Variants in ANKRD2 observed in about 807,000 individuals in gnomAD.
ANKRD2 encodes the protein ankyrin repeat domain-containing protein 2.
Under a neutral mutation model 37.3 loss-of-function variants are expected in ANKRD2, and 35 were observed. The observed-to-expected ratio is 0.94, with a 90% confidence interval of 0.72 to 1.24. The LOEUF (loss-of-function observed/expected upper bound fraction) is 1.24, where lower values mean the gene tolerates loss of function less well. Among genes scored for constraint, ANKRD2 ranks in the 50% most tolerant of loss-of-function variants. The pLI, the probability that ANKRD2 is intolerant of heterozygous loss-of-function variation, is 0.00. For synonymous variants in ANKRD2, 159 were observed against 186.5 expected (o/e 0.85, Z 1.20); for missense variants, 410 against 445.6 (o/e 0.92, Z 0.72).
Position 97,582,668 on chromosome 10 carries a change from T to A in ANKRD2, c.818T>A (p.Leu273His). 1.2e-6 allele frequency: 2 copies of A among 1,614,160 alleles called. No individual in the cohort carries two copies. The highest frequency in any genetic ancestry group is 1.7e-6 in the Non-Finnish European group (2 of 1,180,014). Reference protein sequence around the residue: ...LNRYKIIKLLLLHGADMMTKN... With the variant: ...LNRYKIIKLLHLHGADMMTKN... ...CGCTACAAAATCATCAAACTGCTGC[T>A]CCTGCATGGGGCTGACATGATGACC... Residue 273 changes from leucine to histidine, a missense_variant, in exon 8 of 9, where the codon CTC becomes CAC. Coordinates refer to ENST00000370655, the MANE Select transcript of ANKRD2 (RefSeq NM_001346793.2).
At chr10:97,580,975 C>T (rs1262426408) in intron 5 of ANKRD2, 22 bp downstream of exon 5, 1 of 1,556,318 alleles carries the variant, frequency 6.4e-7, no homozygotes, top group East Asian at 2.4e-5. Flanking sequence ...GGCAGGTATT[C>T]AATGGGAGAC....
chr10:97,583,604 A>G lies in ANKRD2; in HGVS notation c.881A>G (p.Gln294Arg). ...GGAAAGACCCCGACGGACCTGGTGC[A>G]GCTCTGGCAGGCTGATACCCGGCAC... ...LAGKTPTDLV[Q>R]LWQADTRHAL... The change falls in exon 9 of 9, where the codon CAG (glutamine) becomes CGG (arginine). Residue 294 changes from glutamine to arginine, a missense_variant. By Grantham distance (43) the Gln-to-Arg change is conservative. Transcript: ENST00000370655. 1 of 1,605,344 alleles carries G rather than the reference A, an allele frequency of 6.2e-7. No homozygotes were observed.
In ANKRD2 at chr10:97,582,303, C is replaced by T. The variant is rs1050532043; in HGVS notation, c.655-12C>T. 7.1e-6 allele frequency: 11 copies of T among 1,551,832 alleles called. No homozygotes were observed. Among genetic ancestry groups the T allele is most frequent in the Admixed American group, 5.9e-5 (3 of 51,058 alleles). On this transcript the variant is annotated splice_polypyrimidine_tract_variant and intron_variant, in intron 6 of 8. Transcript: ENST00000370655. The stretch of plus-strand genomic sequence containing the variant: ...CCCCGTCAACTAGCAGTTCCTGATT[C>T]CTCCCACCCAGCTGCTGAGCACCCC...
chr10:97,581,263 C>G (rs1000422942), intron 5 of ANKRD2, 53 bp from the exon 6 acceptor site: 2 of 1,564,978 alleles, frequency 1.3e-6, no homozygotes, highest in East Asian at 4.5e-5. Flanking sequence ...ACATTACCCC[C>G]GAATACTTTC....
Position 97,580,850 on chromosome 10 carries a change from G to T in ANKRD2, c.457-5G>T. 1.2e-6 allele frequency: 2 copies of T among 1,608,404 alleles called. No individual in the cohort carries two copies. Among genetic ancestry groups the T allele is most frequent in the South Asian group, 1.1e-5 (1 of 89,888 alleles). On this transcript the variant is annotated splice_region_variant and splice_polypyrimidine_tract_variant and intron_variant, in intron 4 of 8. Transcript: ENST00000370655. ...GCCAGGCCCTGACAGCCTCTCTGGG[G>T]ACAGTTCCGTCGGACAGCACTGCAC...
At chr10:97,581,446 T>C in intron 6 of ANKRD2, 32 bp downstream of exon 6, 1 of 1,607,706 alleles carries the variant, frequency 6.2e-7, no homozygotes, top group South Asian at 1.1e-5. Flanking sequence ...GCAACAGATA[T>C]TGGGGTGGCT....
intron 8 of ANKRD2, 53 bp downstream of exon 8, chr10:97,582,755 G>A (rs1260190949): frequency 1.7e-5 from 27 of 1,548,620 alleles, no homozygotes; most frequent in Non-Finnish European, 2.2e-5. Flanking sequence ...TCATACAGTG[G>A]AGGTGCTGTC....
At chr10:97,581,929 T>C (rs994970497) in intron 6 of ANKRD2, among the ~76,000 whole-genome samples, 1 of 152,242 alleles carries the variant, frequency 6.6e-6, no homozygotes. Flanking sequence ...AGAGTTCTTG[T>C]GTAGCTTAGG....
intron 2 of ANKRD2, 92 bp from the exon 3 acceptor site, chr10:97,578,148 A>ACCCCCCCCCCC: frequency 1.3e-5 from 3 of 227,704 alleles, no homozygotes; most frequent in South Asian, 3.9e-5. Flanking sequence ...CTTCCTGCCC[A>ACCCCCCCCCCC]CCCCACCCTC....
chr10:97,582,396 A>G lies in ANKRD2; in HGVS notation c.736A>G (p.Ile246Val). The G allele has an allele frequency of 6.4e-7, 1 of 1,564,944 alleles. No individual in the cohort carries two copies. Among genetic ancestry groups the G allele is most frequent in the Admixed American group, 1.9e-5 (1 of 52,000 alleles). Residue 246 changes from isoleucine to valine, a missense_variant, in exon 7 of 9, where the codon ATC becomes GTC. Coordinates refer to ENST00000370655, the MANE Select transcript of ANKRD2 (RefSeq NM_001346793.2). ...GCACTTTCTATCCCTGGGCCTGGAA[A>G]TCAATGCCAGAGACAGGGTGAGTGC... ...VEHFLSLGLE[I>V]NARDREGDTA...
At position 97,576,543 on chromosome 10, in the gene ANKRD2, G is replaced by GA. The variant is rs569337679; in HGVS notation, c.88-1247dup. On this transcript the variant is annotated intron_variant, in intron 1 of 8. Coordinates refer to ENST00000370655, the MANE Select transcript of ANKRD2 (RefSeq NM_001346793.2). ...CTTCACAGATCAGTGAAATCTGAGAGAAAAAAAAAATAGTATCTAACAAAG... is the reference window on the plus strand; with the variant it reads ...CTTCACAGATCAGTGAAATCTGAGAGAAAAAAAAAAATAGTATCTAACAAAG... Among the ~76,000 whole-genome samples the GA allele has an allele frequency of 1.6e-3, 237 of 147,346 alleles. 2 individuals are homozygous for GA. Among genetic ancestry groups the GA allele is most frequent in the Middle Eastern group, 6.9e-3 (2 of 290 alleles).
At chr10:97,579,307 C>CTT (rs59132098) in intron 4 of ANKRD2, among the ~76,000 whole-genome samples, 66 of 135,604 alleles carry the variant, frequency 4.9e-4, no homozygotes, top group African/African-American at 1.4e-3. Context: ...TAGTACTGTA[C>CTT]TTTTTTTTTT....
chr10:97,582,470 CCCCTACAGGTGG>C, intron 7 of ANKRD2, 57 bp downstream of exon 7: 1 of 1,591,726 alleles, frequency 6.3e-7, no homozygotes, highest in Admixed American at 1.7e-5. Flanking sequence ...AGCCTGCGGG[CCCCTACAGGTGG>C]TGTCCTTCCT....
chr10:97,583,089 G>A (rs2040923711), intron 8 of ANKRD2, among the ~76,000 whole-genome samples: 1 of 152,122 alleles, frequency 6.6e-6, no homozygotes, highest in Non-Finnish European at 1.5e-5. Context: ...TGGTCTTTGA[G>A]TTTTCTTAGG....
intron 4 of ANKRD2, among the ~76,000 whole-genome samples, chr10:97,578,834 A>G (rs896947745): frequency 2.0e-5 from 3 of 152,188 alleles, no homozygotes; most frequent in Admixed American, 6.5e-5. Context: ...CAAATGTCAC[A>G]TGTTTGTTTA....
intron 7 of ANKRD2, 34 bp downstream of exon 7, chr10:97,582,447 T>G (rs1204894553): frequency 6.3e-7 from 1 of 1,587,234 alleles, no homozygotes; most frequent in South Asian, 1.1e-5. Context: ...TCACCCGCCA[T>G]GGGTGTGTGG....
chr10:97,581,064 G>A, intron 5 of ANKRD2, 111 bp downstream of exon 5: 1 of 1,013,504 alleles, frequency 9.9e-7, no homozygotes, highest in South Asian at 1.6e-5. Flanking sequence ...TTGCTCAGGT[G>A]CCAGACTCCA....
chr10:97,582,670 C>T lies in ANKRD2; in HGVS notation c.820C>T (p.Leu274=), dbSNP rs2040916297. 1 of 1,614,080 alleles carries T rather than the reference C, an allele frequency of 6.2e-7. No individual in the cohort carries two copies. The highest frequency in any genetic ancestry group is 1.7e-5 in the Admixed American group (1 of 60,002). Reference sequence around the variant, plus strand: ...CTACAAAATCATCAAACTGCTGCTCCTGCATGGGGCTGACATGATGACCAA... The same window carrying T: ...CTACAAAATCATCAAACTGCTGCTCTTGCATGGGGCTGACATGATGACCAA... ...NRYKIIKLLL[L]HGADMMTKNL... The change falls in exon 8 of 9, where the codon CTG becomes TTG. Residue 274 remains leucine (L), a synonymous_variant. Coordinates refer to ENST00000370655, the MANE Select transcript of ANKRD2 (RefSeq NM_001346793.2).
Position 97,578,349 on chromosome 10 carries a change from G to C in ANKRD2, c.299G>C (p.Arg100Pro), listed in dbSNP as rs772595575. The change falls in exon 3 of 9, where the codon CGG becomes CCG. Residue 100 changes from arginine to proline, a missense_variant. Arg to Pro is a moderately radical substitution (Grantham distance 103). Coordinates refer to ENST00000370655, the MANE Select transcript of ANKRD2 (RefSeq NM_001346793.2). ...ELRKKRKQKK[R>P]DALAASHEPP... ...CGGAAGAAACGCAAGCAGAAGAAGC[G>C]GGACGCTCTGGCCGCCTCGCATGAG... is the stretch of plus-strand genomic sequence containing the variant. 6.2e-7 allele frequency: 1 copy of C among 1,613,678 alleles called. No individual in the cohort carries two copies. Among genetic ancestry groups the C allele is most frequent in the South Asian group, 1.1e-5 (1 of 91,072 alleles).
Sources: gnomAD v4.1 joint callset for allele counts (sites outside exome capture counted in the v4.1 genomes callset) on GRCh38, gnomAD v4.1.1 for gene constraint, MANE v1.5 for transcripts, NCBI Gene and HGNC (gene_info 2026-07-23, HGNC 2026-07-21) for gene names.